The following KCND2 variants were observed in gnomAD, a reference collection of about 807,000 sequenced individuals.
The protein encoded by KCND2 is A-type voltage-gated potassium channel KCND2.
A neutral mutation model predicts 54.4 loss-of-function variants in KCND2; 16 were observed. The ratio of observed to expected loss-of-function variants is 0.29; its 90% CI spans 0.20 to 0.45. KCND2 has a LOEUF of 0.45. Ranked by LOEUF, KCND2 falls within the 20% of genes least tolerant of loss-of-function variation. The pLI is 1.00. For missense variants in KCND2, 486 were observed against 824.2 expected (o/e 0.59, Z 5.02); for synonymous variants, 317 against 310.7 (o/e 1.02, Z -0.21).
intron 1 of KCND2, among the ~76,000 whole-genome samples, chr7:120,668,185 G>T (rs1791950481): frequency 6.6e-6 from 1 of 151,944 alleles, no homozygotes; most frequent in African/African-American, 2.4e-5. Flanking sequence ...AAAATGAATG[G>T]ATTTTCTTCC....
At chr7:120,308,581 G>A (rs1799682627) in intron 1 of KCND2, among the ~76,000 whole-genome samples, 1 of 152,036 alleles carries the variant, frequency 6.6e-6, no homozygotes, top group Admixed American at 6.6e-5. Context: ...GAATTATATT[G>A]GTCCATACAA....
chr7:120,720,717 T>A (rs1018884853), intron 1 of KCND2, among the ~76,000 whole-genome samples: 40 of 152,276 alleles, frequency 2.6e-4, no homozygotes, highest in Non-Finnish European at 1.0e-4. Flanking sequence ...ACTGAAAAAC[T>A]TCCTCCTCCC....
At chr7:120,603,468 A>G (rs947294397) in intron 1 of KCND2, among the ~76,000 whole-genome samples, 2 of 152,174 alleles carry the variant, frequency 1.3e-5, no homozygotes, top group Non-Finnish European at 2.9e-5. Context: ...AGTTCAATCT[A>G]TACTATGCTC....
intron 1 of KCND2, among the ~76,000 whole-genome samples, chr7:120,523,370 T>G (rs1791723652): frequency 6.6e-6 from 1 of 151,604 alleles, no homozygotes; most frequent in Non-Finnish European, 1.5e-5. Context: ...GTAATTTCAT[T>G]AAAATAATAA....
chr7:120,742,362 C>G, intron 3 of KCND2, 148 bp from the exon 4 acceptor site: 1 of 704,524 alleles, frequency 1.4e-6, no homozygotes, highest in East Asian at 2.6e-5. Flanking sequence ...TCCAACTTAA[C>G]AGGAACTGCA....
intron 1 of KCND2, among the ~76,000 whole-genome samples, chr7:120,666,150 T>G (rs1258088129): frequency 2.0e-5 from 3 of 152,050 alleles, no homozygotes; most frequent in Non-Finnish European, 4.4e-5. Flanking sequence ...TCATGAAATA[T>G]TTTACATCAT....
intron 1 of KCND2, among the ~76,000 whole-genome samples, chr7:120,362,247 A>G (rs550507348): frequency 1.3e-5 from 2 of 152,206 alleles, no homozygotes; most frequent in Admixed American, 6.6e-5. Context: ...TTGTAATGTC[A>G]TCATTTTTAT....
At chr7:120,339,264 C>T (rs1317914452) in intron 1 of KCND2, among the ~76,000 whole-genome samples, 1 of 151,754 alleles carries the variant, frequency 6.6e-6, no homozygotes, top group Non-Finnish European at 1.5e-5. Context: ...TTTCTCATTG[C>T]AAACCATGTA....
chr7:120,346,646 C>A (rs997936415), intron 1 of KCND2, among the ~76,000 whole-genome samples: 1 of 151,880 alleles, frequency 6.6e-6, no homozygotes, highest in Non-Finnish European at 1.5e-5. Flanking sequence ...TGCTTTTTCT[C>A]TTTTTCAATT....
intron 1 of KCND2, among the ~76,000 whole-genome samples, chr7:120,538,953 AG>A (rs1475682884): frequency 1.3e-5 from 2 of 152,218 alleles, no homozygotes; most frequent in Non-Finnish European, 2.9e-5. Flanking sequence ...CTAACCAAAA[AG>A]AAAATGGTGC....
chr7:120,435,730 T>C lies in KCND2; in HGVS notation c.1115+159983T>C, dbSNP rs921539255. 2.7e-5 allele frequency among the ~76,000 whole-genome samples: 4 copies of C among 146,032 alleles called. No individual in the cohort carries two copies. The East Asian group carries it at 7.7e-4, about 28-fold the overall frequency. On this transcript the variant is annotated intron_variant, in intron 1 of 5. Transcript: ENST00000331113. ...AATATCTTCTGGCATGTCTAACCAGTGGATATATATATATATATAGCCAGT... is the reference window on the plus strand; with the variant it reads ...AATATCTTCTGGCATGTCTAACCAGCGGATATATATATATATATAGCCAGT...
intron 1 of KCND2, among the ~76,000 whole-genome samples, chr7:120,548,324 G>A (rs1199286908): frequency 6.6e-6 from 1 of 152,088 alleles, no homozygotes; most frequent in Non-Finnish European, 1.5e-5. Flanking sequence ...TTTCTGACTG[G>A]TGAACCAATC....
chr7:120,529,118 C>T (rs1457679885), intron 1 of KCND2, among the ~76,000 whole-genome samples: 1 of 152,132 alleles, frequency 6.6e-6, no homozygotes, highest in African/African-American at 2.4e-5. Context: ...GTGAATGTTT[C>T]TCTGGGAGCA....
rs1441138604 is a variant in KCND2, at chr7:120,323,984, T to G, written c.1115+48237T>G. On this transcript the variant is annotated intron_variant, in intron 1 of 5. Transcript: ENST00000331113. ...TGTTGTTTCCTGACTTTTTAATGAT[T>G]GCCATTCTAACTGGTGTGAGATGGT... Among the ~76,000 whole-genome samples the G allele has an allele frequency of 1.6e-3, 214 of 134,404 alleles. 1 individual carries two copies. The Middle Eastern group carries it at 0.019, about 12-fold the overall frequency. The allele number at this position is 134,404 out of a possible 152,430, so 88.2% of individuals were successfully genotyped here.
At chr7:120,702,229 A>G (rs1243051529) in intron 1 of KCND2, among the ~76,000 whole-genome samples, 1 of 152,236 alleles carries the variant, frequency 6.6e-6, no homozygotes, top group Non-Finnish European at 1.5e-5. Context: ...GCAAATCAAA[A>G]CCACAGTTAG....
At chr7:120,705,784 A>G (rs1340891339) in intron 1 of KCND2, among the ~76,000 whole-genome samples, 1 of 152,186 alleles carries the variant, frequency 6.6e-6, no homozygotes, top group East Asian at 1.9e-4. Flanking sequence ...CTCAAGACTG[A>G]GAGTCTATGG....
At chr7:120,442,903 A>G (rs1174515257) in intron 1 of KCND2, among the ~76,000 whole-genome samples, 1 of 152,110 alleles carries the variant, frequency 6.6e-6, no homozygotes, top group African/African-American at 2.4e-5. Context: ...GAAGAAATTT[A>G]AGATCTACAT....
intron 1 of KCND2, among the ~76,000 whole-genome samples, chr7:120,561,911 C>T (rs535526384): frequency 1.4e-4 from 21 of 152,148 alleles, no homozygotes; most frequent in African/African-American, 4.8e-4. Context: ...TGCACCCGGC[C>T]GCTATCTGAT....
At chr7:120,500,935 A>G (rs918146753) in intron 1 of KCND2, among the ~76,000 whole-genome samples, 1 of 151,994 alleles carries the variant, frequency 6.6e-6, no homozygotes, top group African/African-American at 2.4e-5. Flanking sequence ...TTGTACTACA[A>G]ATAATGGTTA....
Sources: allele counts gnomAD v4.1 joint callset (sites outside exome capture counted in the v4.1 genomes callset), GRCh38; gene constraint gnomAD v4.1.1; transcripts MANE v1.5; gene names NCBI Gene and HGNC (gene_info 2026-07-23, HGNC 2026-07-21).